Variants in GRIK3 observed in about 807,000 individuals in gnomAD.
GRIK3 encodes glutamate receptor ionotropic, kainate 3.
In GRIK3, 29 loss-of-function variants were observed where a neutral mutation model predicts 102.5. The ratio of observed to expected loss-of-function variants is 0.28; its 90% CI spans 0.21 to 0.39. The LOEUF is 0.39. GRIK3 is among the 10% of genes least tolerant of loss of function. The pLI is 1.00. For missense variants in GRIK3, 908 were observed against 1,252.4 expected (o/e 0.73, Z 4.15); for synonymous variants, 511 against 504.9 (o/e 1.01, Z -0.16).
At chr1:37,009,595 G>A (rs1557462007) in intron 1 of GRIK3, among the ~76,000 whole-genome samples, 1 of 152,170 alleles carries the variant, frequency 6.6e-6, no homozygotes, top group African/African-American at 2.4e-5. Context: ...TGGCTGGAGG[G>A]GTGTGTGTGT....
chr1:37,017,135 G>A (rs1339929475), intron 1 of GRIK3, among the ~76,000 whole-genome samples: 1 of 151,508 alleles, frequency 6.6e-6, no homozygotes, highest in Non-Finnish European at 1.5e-5. Flanking sequence ...AGGATCGCTT[G>A]AACCTAGAGG....
intron 13 of GRIK3, among the ~76,000 whole-genome samples, chr1:36,807,967 C>T (rs1251631092): frequency 6.6e-6 from 1 of 152,200 alleles, no homozygotes; most frequent in Admixed American, 6.5e-5. Flanking sequence ...TCAGCCATTG[C>T]TACTCTCCAG....
chr1:36,991,749 G>A (rs1340562917), intron 1 of GRIK3, among the ~76,000 whole-genome samples: 1 of 152,244 alleles, frequency 6.6e-6, no homozygotes, highest in Non-Finnish European at 1.5e-5. Context: ...TCTGCTGAGG[G>A]TTCAGCCAAG....
chr1:36,931,974 T>C (rs559639), intron 1 of GRIK3, among the ~76,000 whole-genome samples: 1 of 152,176 alleles, frequency 6.6e-6, no homozygotes, highest in African/African-American at 2.4e-5. Context: ...AGCCAAGCCA[T>C]TCCGTCCTCC....
intron 1 of GRIK3, among the ~76,000 whole-genome samples, chr1:37,005,813 C>T (rs965962262): frequency 6.6e-6 from 1 of 152,122 alleles, no homozygotes; most frequent in Non-Finnish European, 1.5e-5. Context: ...ATCCTCTGTC[C>T]CCGTGGAGTT....
rs551219818 is a variant in GRIK3 at position 36,899,523 on chromosome 1, G to C, written c.116-8427C>G. On this transcript the variant is annotated intron_variant, in intron 1 of 15. Coordinates refer to ENST00000373091, the MANE Select transcript of GRIK3 (RefSeq NM_000831.4). Reference sequence around the variant, plus strand: ...GAGGTTTCCAGGGCCTAGAGGAAGGGGGGAAAGTGAAGTTATTCTTTATGG... The same window carrying C: ...GAGGTTTCCAGGGCCTAGAGGAAGGCGGGAAAGTGAAGTTATTCTTTATGG... Among the ~76,000 whole-genome samples the C allele has an allele frequency of 6.6e-5, 10 of 152,180 alleles. No homozygotes were observed. In the South Asian group the frequency reaches 1.7e-3, roughly 25 times the overall value.
At chr1:36,808,218 T>C (rs1415790404) in intron 13 of GRIK3, among the ~76,000 whole-genome samples, 1 of 152,212 alleles carries the variant, frequency 6.6e-6, no homozygotes, top group Non-Finnish European at 1.5e-5. Context: ...CTCCAACCTC[T>C]TTTACTCCCT....
At chr1:36,876,087 C>T (rs2124258125) in intron 3 of GRIK3, among the ~76,000 whole-genome samples, 1 of 152,274 alleles carries the variant, frequency 6.6e-6, no homozygotes, top group East Asian at 1.9e-4. Flanking sequence ...TAAGAAAAAT[C>T]TCATTGGGCT....
At chr1:36,857,395 T>C (rs1640665322) in intron 7 of GRIK3, among the ~76,000 whole-genome samples, 1 of 152,186 alleles carries the variant, frequency 6.6e-6, no homozygotes, top group Non-Finnish European at 1.5e-5. Flanking sequence ...CAGTGGGATG[T>C]CCTGTGCAGT....
intron 1 of GRIK3, among the ~76,000 whole-genome samples, chr1:36,955,846 A>G (rs767302492): frequency 2.0e-4 from 30 of 152,246 alleles, no homozygotes; most frequent in Admixed American, 2.6e-4. Context: ...CATCCCTGTC[A>G]GTAAGGATCC....
chr1:36,936,171 A>G (rs1160626182), intron 1 of GRIK3, among the ~76,000 whole-genome samples: 1 of 152,212 alleles, frequency 6.6e-6, no homozygotes. Flanking sequence ...ATGGGAGGAA[A>G]CTGAAGCCTG....
chr1:36,924,330 C>G (rs1641504277), intron 1 of GRIK3, among the ~76,000 whole-genome samples: 1 of 152,208 alleles, frequency 6.6e-6, no homozygotes, highest in African/African-American at 2.4e-5. Flanking sequence ...TCGGGTGCAA[C>G]TGGACGAAAG....
chr1:36,930,245 G>A (rs1176744277), intron 1 of GRIK3, among the ~76,000 whole-genome samples: 3 of 152,162 alleles, frequency 2.0e-5, no homozygotes, highest in Non-Finnish European at 4.4e-5. Context: ...TTGGCCTTCT[G>A]GTTTCAGCTT....
At chr1:36,838,383 G>C (rs1473044865) in intron 10 of GRIK3, among the ~76,000 whole-genome samples, 4 of 152,218 alleles carry the variant, frequency 2.6e-5, no homozygotes. Context: ...ATTTTTGAAA[G>C]AGGAAACAGA....
rs1004792406 is a variant in GRIK3, at chr1:36,800,286, G to A, written c.*1565C>T. 5 of 152,332 alleles carry A rather than the reference G, an allele frequency of 3.3e-5. No individual in the cohort carries two copies. Among genetic ancestry groups the A allele is most frequent in the Middle Eastern group, 3.4e-3 (1 of 294 alleles). 9.4% of individuals were successfully genotyped at this position (152,332 alleles called of 1,614,324 possible). On this transcript the variant is annotated 3_prime_UTR_variant, in exon 16 of 16. Coordinates refer to ENST00000373091, the MANE Select transcript of GRIK3 (RefSeq NM_000831.4). ...AGAATCCCCAGAACCTCCCTCCCCT[G>A]TTCAAAACCTGCCCCTCCATCCTTG...
rs114329062 is a variant in GRIK3 at position 36,967,104 on chromosome 1, C to T, written c.115+66890G>A. ...CTCACACAGTTAGCAAAAGGAGGGG[C>T]TAAAATTTGAAGTCAGACATCCTGA... On this transcript the variant is annotated intron_variant, in intron 1 of 15. Coordinates refer to ENST00000373091, the MANE Select transcript of GRIK3 (RefSeq NM_000831.4). Among the ~76,000 whole-genome samples, 340 of 152,290 alleles carry T rather than the reference C, an allele frequency of 2.2e-3. 1 individual carries two copies. Among genetic ancestry groups the T allele is most frequent in the African/African-American group, 7.1e-3 (293 of 41,558 alleles).
chr1:36,842,583 G>T (rs1444671343), intron 9 of GRIK3, among the ~76,000 whole-genome samples: 1 of 152,222 alleles, frequency 6.6e-6, no homozygotes, highest in Non-Finnish European at 1.5e-5. Flanking sequence ...CCTGTGTTAG[G>T]ATCCCAGGGG....
intron 3 of GRIK3, among the ~76,000 whole-genome samples, chr1:36,874,282 T>G (rs1221489855): frequency 6.6e-6 from 1 of 152,190 alleles, no homozygotes; most frequent in African/African-American, 2.4e-5. Flanking sequence ...GCAATCTGAT[T>G]GGTGTCCATC....
intron 2 of GRIK3, among the ~76,000 whole-genome samples, chr1:36,890,457 C>T (rs1641101304): frequency 6.7e-6 from 1 of 150,194 alleles, no homozygotes; most frequent in Admixed American, 6.6e-5. Context: ...GAGTGAGACT[C>T]TGTCTAAAAA....
Sources: gnomAD v4.1 joint callset for allele counts (sites outside exome capture counted in the v4.1 genomes callset) on GRCh38, gnomAD v4.1.1 for gene constraint, MANE v1.5 for transcripts, NCBI Gene and HGNC (gene_info 2026-07-23, HGNC 2026-07-21) for gene names.